Variants in ATP2C2 observed in about 807,000 individuals in gnomAD.
ATP2C2 encodes the protein calcium-transporting ATPase type 2C member 2.
Under a neutral mutation model 110.8 loss-of-function variants are expected in ATP2C2, and 171 were observed. That is an observed-to-expected ratio of 1.54 (90% CI 1.36 to 1.75). The LOEUF (loss-of-function observed/expected upper bound fraction) is 1.75, where lower values mean the gene tolerates loss of function less well. Ranked by LOEUF, ATP2C2 falls within the 40% of genes most tolerant of loss-of-function variation. The pLI is 0.00. For missense variants in ATP2C2, 1,963 were observed against 1,235.0 expected, an observed-to-expected ratio of 1.59 and a Z score of -8.84; for synonymous variants, 804 against 508.4, an observed-to-expected ratio of 1.58 and a Z score of -7.82.
chr16:84,434,273 A>C (rs1334850799), intron 11 of ATP2C2, among the ~76,000 whole-genome samples: 1 of 139,078 alleles, frequency 7.2e-6, no homozygotes, highest in East Asian at 2.8e-4. Flanking sequence ...AAAATTAGCC[A>C]GGTGTGGTGG....
intron 3 of ATP2C2, among the ~76,000 whole-genome samples, 158 bp downstream of exon 3, chr16:84,405,402 C>G (rs938599779): frequency 6.6e-6 from 1 of 152,138 alleles, no homozygotes; most frequent in Non-Finnish European, 1.5e-5. Flanking sequence ...GAGCAAATCA[C>G]CAACTCCCAG....
intron 1 of ATP2C2, among the ~76,000 whole-genome samples, chr16:84,386,255 G>T (rs1344904129): frequency 6.6e-6 from 1 of 152,050 alleles, no homozygotes; most frequent in Non-Finnish European, 1.5e-5. Context: ...TCAGTGGAGG[G>T]GGTGTAAGTG....
intron 18 of ATP2C2, 74 bp downstream of exon 18, chr16:84,452,165 G>A (rs1046277773): frequency 6.4e-6 from 10 of 1,571,890 alleles, no homozygotes; most frequent in Non-Finnish European, 8.7e-6. Flanking sequence ...GCTACCAAAG[G>A]GAAGCCTCCG....
At position 84,446,437 on chromosome 16, in the gene ATP2C2, C is replaced by T; in HGVS notation, c.1503+7C>T. ...ATGCAGTCTGAAGACTGAGGTGAGA[C>T]CTTTCAATCTTCAACCTCTTCTCTC... On this transcript the variant is annotated splice_region_variant and intron_variant, in intron 16 of 26. Coordinates refer to ENST00000262429, the MANE Select transcript of ATP2C2 (RefSeq NM_014861.4). The T allele has an allele frequency of 6.4e-7, 1 of 1,571,046 alleles. No homozygotes were observed.
intron 4 of ATP2C2, among the ~76,000 whole-genome samples, chr16:84,409,733 C>A (rs575855478): frequency 1.3e-5 from 2 of 152,268 alleles, no homozygotes; most frequent in East Asian, 3.9e-4. Flanking sequence ...GACCTCTTGA[C>A]CTCAGGTGAT....
intron 1 of ATP2C2, among the ~76,000 whole-genome samples, chr16:84,383,837 C>T (rs1233427552): frequency 7.3e-6 from 1 of 136,374 alleles, no homozygotes; most frequent in Non-Finnish European, 1.5e-5. Flanking sequence ...TTTCACCCGG[C>T]TGAGAGCAGT....
intron 3 of ATP2C2, among the ~76,000 whole-genome samples, chr16:84,406,925 C>A (rs1233315500): frequency 6.6e-6 from 1 of 152,162 alleles, no homozygotes; most frequent in African/African-American, 2.4e-5. Flanking sequence ...CAAGGATCCT[C>A]CTCCAGCCTC....
At chr16:84,450,302 G>A (rs888923179) in intron 17 of ATP2C2, among the ~76,000 whole-genome samples, 11 of 152,170 alleles carry the variant, frequency 7.2e-5, no homozygotes, top group South Asian at 2.1e-4. Flanking sequence ...GCAGGTGACC[G>A]TGGACTGATG....
chr16:84,423,236 C>A lies in ATP2C2; in HGVS notation c.892C>A (p.Leu298Met). Reference sequence around the variant, plus strand: ...AAGCATGGACAGGCTAGGAAAGCAACTGACACTCTTCTCCTTTGGCATAAT... The same window carrying A: ...AAGCATGGACAGGCTAGGAAAGCAAATGACACTCTTCTCCTTTGGCATAAT... Reference protein sequence around the residue: ...QKSMDRLGKQLTLFSFGIIGL... With the variant: ...QKSMDRLGKQMTLFSFGIIGL... The change falls in exon 10 of 27, where the codon CTG becomes ATG. Residue 298 changes from leucine to methionine, a missense_variant. By Grantham distance (15) the Leu-to-Met change is conservative (BLOSUM62 2). Transcript: ENST00000262429. 1.2e-6 allele frequency: 2 copies of A among 1,614,164 alleles called. No individual in the cohort carries two copies. The highest frequency in any genetic ancestry group is 1.7e-6 in the Non-Finnish European group (2 of 1,180,020).
chr16:84,459,110 T>C lies in ATP2C2; in HGVS notation c.2148-10T>C. ...CCGCTCCGTGAGTAAATGGCTCTCT[T>C]CTCTTGCAGGAATGCAGTGGAGGAA... is the stretch of plus-strand genomic sequence containing the variant. On this transcript the variant is annotated splice_polypyrimidine_tract_variant and intron_variant, in intron 21 of 26. Transcript: ENST00000262429. 2 of 1,614,054 alleles carry C rather than the reference T, an allele frequency of 1.2e-6. No individual in the cohort carries two copies. Among genetic ancestry groups the C allele is most frequent in the Non-Finnish European group, 8.5e-7 (1 of 1,179,994 alleles).
At chr16:84,413,783 C>A (rs1342482270) in intron 6 of ATP2C2, among the ~76,000 whole-genome samples, 4 of 151,980 alleles carry the variant, frequency 2.6e-5, no homozygotes, top group African/African-American at 9.7e-5. Flanking sequence ...GGAAACCCTG[C>A]TGTGCGGGAC....
intron 21 of ATP2C2, 63 bp from the exon 22 acceptor site, chr16:84,459,057 G>C (rs573275158): frequency 6.4e-6 from 10 of 1,571,116 alleles, no homozygotes; most frequent in East Asian, 4.5e-5. Context: ...TGCAGCAACC[G>C]ATGCACTGGT....
intron 2 of ATP2C2, among the ~76,000 whole-genome samples, chr16:84,400,277 G>A (rs1304262713): frequency 6.6e-6 from 1 of 151,288 alleles, no homozygotes; most frequent in African/African-American, 2.4e-5. Flanking sequence ...TTTTGGTTAT[G>A]TATCTAGGAG....
chr16:84,426,019 G>A, intron 11 of ATP2C2: 1 of 569,430 alleles, frequency 1.8e-6, no homozygotes, highest in South Asian at 2.1e-5. Context: ...GATCCAGGGT[G>A]TCCCTTTTGT....
intron 2 of ATP2C2, among the ~76,000 whole-genome samples, chr16:84,400,330 T>G (rs957645649): frequency 4.7e-5 from 5 of 107,420 alleles, no homozygotes; most frequent in East Asian, 4.7e-4. Flanking sequence ...TAGTTTTTTG[T>G]TGTTTTTTTT....
chr16:84,415,417 T>C, intron 6 of ATP2C2, 66 bp from the exon 7 acceptor site: 1 of 1,287,766 alleles, frequency 7.8e-7, no homozygotes, highest in Non-Finnish European at 1.1e-6. Context: ...CTTGTTCAAA[T>C]GTATCAAGGT....
chr16:84,455,291 C>T (rs552064456), intron 21 of ATP2C2, among the ~76,000 whole-genome samples: 23 of 152,214 alleles, frequency 1.5e-4, no homozygotes, highest in African/African-American at 4.8e-4. Context: ...TGGGAATGCC[C>T]GCCTGGCTCA....
At chr16:84,396,241 T>A (rs1001925388) in intron 1 of ATP2C2, among the ~76,000 whole-genome samples, 22 of 144,884 alleles carry the variant, frequency 1.5e-4, no homozygotes, top group African/African-American at 5.6e-4. Context: ...TGTGTGTGTG[T>A]GAGATGGGAT....
rs760803833 is a variant in ATP2C2, at chr16:84,454,973, C to A, written c.2136C>A (p.Phe712Leu). The change falls in exon 21 of 27, where the codon TTC becomes TTA. Residue 712 changes from phenylalanine (F) to leucine (L), a missense_variant. Coordinates refer to ENST00000262429, the MANE Select transcript of ATP2C2 (RefSeq NM_014861.4). ...ACATGATCCTGGTGGATGATGACTT[C>A]TCAGCCATCATGTAAGCTGCCCTTC... ...AANMILVDDD[F>L]SAIMNAVEEG... 18 of 1,613,442 alleles carry A rather than the reference C, an allele frequency of 1.1e-5. No individual in the cohort carries two copies. Among genetic ancestry groups the A allele is most frequent in the Non-Finnish European group, 1.4e-5 (17 of 1,179,816 alleles).
Sources: allele counts gnomAD v4.1 joint callset (sites outside exome capture counted in the v4.1 genomes callset), GRCh38; gene constraint gnomAD v4.1.1; transcripts MANE v1.5; gene names NCBI Gene and HGNC (gene_info 2026-07-23, HGNC 2026-07-21).